Variants in MEG3 observed in about 807,000 individuals in gnomAD.
The protein encoded by MEG3 is Very putative protein from MEG3 locus.
chr14:100,828,569 A>C (rs1200961113), intron 1 of MEG3: 3 of 115,830 alleles, frequency 2.6e-5, no homozygotes, highest in Non-Finnish European at 3.5e-5. Context: ...GCCCCTCCCT[A>C]CTGCCTTCCT....
At chr14:100,828,080 C>A (rs2037294735) in intron 1 of MEG3, among the ~76,000 whole-genome samples, 1 of 151,936 alleles carries the variant, frequency 6.6e-6, no homozygotes, top group South Asian at 2.1e-4. Context: ...GTCCAGGGGG[C>A]GTAGCGACCT....
intron 3 of MEG3, chr14:100,846,892 G>A (rs1048369118): frequency 1.1e-4 from 17 of 152,004 alleles, no homozygotes; most frequent in African/African-American, 4.1e-4. Context: ...AAGAATGGAT[G>A]TATGAGTAGT....
Position 100,837,428 on chromosome 14 carries a change from C to T in MEG3, n.3045+1128C>T, listed in dbSNP as rs149705339. ...AGACTTCCCAGAGAAGCTGGGTGGG[C>T]GCTGAGAAAGGTCTGAACCGTGGGG... On this transcript the variant is annotated intron_variant and non_coding_transcript_variant, in intron 2 of 3. Coordinates refer to the MEG3 transcript ENST00000398461. This position sits in a 1 kb window ranked among gnomAD's most constrained non-coding sequence, Gnocchi z 5.8. Among the ~76,000 whole-genome samples, 96 of 152,164 alleles carry T rather than the reference C, an allele frequency of 6.3e-4. 3 individuals are homozygous for T. In the East Asian group the frequency reaches 0.016, roughly 26 times the overall value.
intron 3 of MEG3, chr14:100,846,869 C>T (rs551258730): frequency 2.0e-5 from 3 of 151,862 alleles, no homozygotes; most frequent in Non-Finnish European, 4.4e-5. Flanking sequence ...TGAAAAAGAA[C>T]CTAAATGAAA....
chr14:100,826,656 C>T (rs1364673388), intron 1 of MEG3, among the ~76,000 whole-genome samples: 1 of 152,192 alleles, frequency 6.6e-6, no homozygotes, highest in Non-Finnish European at 1.5e-5. Context: ...GGGGGGGAAG[C>T]ACCCGAATAG....
intron 1 of MEG3, among the ~76,000 whole-genome samples, chr14:100,828,075 G>T (rs2037294084): frequency 6.6e-6 from 1 of 152,136 alleles, no homozygotes; most frequent in East Asian, 1.9e-4. Context: ...GAGGCGTCCA[G>T]GGGGCGTAGC....
chr14:100,844,372 T>G (rs1449934545), intron 2 of MEG3, among the ~76,000 whole-genome samples: 1 of 152,192 alleles, frequency 6.6e-6, no homozygotes, highest in East Asian at 1.9e-4. Flanking sequence ...TGGTGGGACC[T>G]CAGCTGTCAC....
intron 3 of MEG3, chr14:100,848,608 A>AG (rs11439366): frequency 0.52 from 78,238 of 151,904 alleles, 21,344 homozygotes; most frequent in Admixed American, 0.65. Context: ...AAATGAAAAT[A>AG]GAAAAAAGGA....
chr14:100,836,197 TGAA>T (rs760777997), exon 2 of MEG3: 4 of 456,102 alleles, frequency 8.8e-6, no homozygotes, highest in African/African-American at 6.0e-5. Context: ...CTGGGTCGGC[TGAA>T]GAACTGCGGA....
At chr14:100,835,105 G>T (rs958008953) in exon 1 of MEG3, 1 of 331,786 alleles carries the variant, frequency 3.0e-6, no homozygotes, top group South Asian at 2.4e-5. Context: ...GTAGGCCGGA[G>T]GGTGTGAGGG....
intron 1 of MEG3, among the ~76,000 whole-genome samples, chr14:100,826,530 G>A (rs2037236281): frequency 6.6e-6 from 1 of 152,186 alleles, no homozygotes; most frequent in South Asian, 2.1e-4. Flanking sequence ...TTGGATTCGG[G>A]TATACGGCAG....
chr14:100,858,402 C>A (rs563717972), exon 1 of MEG3: 1 of 152,822 alleles, frequency 6.5e-6, no homozygotes, highest in African/African-American at 2.4e-5. Flanking sequence ...TTTCAGCCCT[C>A]GTCTCTTGCA....
At chr14:100,838,802 G>A (rs1240323855) in intron 2 of MEG3, among the ~76,000 whole-genome samples, 2 of 152,026 alleles carry the variant, frequency 1.3e-5, no homozygotes, top group African/African-American at 2.4e-5. Flanking sequence ...GAAACCAAGA[G>A]GGTAGCTCAG....
intron 2 of MEG3, among the ~76,000 whole-genome samples, chr14:100,843,833 G>GTTTTTTTTTT (rs11307044): frequency 2.8e-5 from 2 of 70,732 alleles, no homozygotes; most frequent in Non-Finnish European, 5.1e-5. Context: ...CCCGGGACCT[G>GTTTTTTTTTT]TTTTTTTTTT....
chr14:100,847,035 A>G (rs1471504333), intron 3 of MEG3: 1 of 152,188 alleles, frequency 6.6e-6, no homozygotes, highest in East Asian at 1.9e-4. Context: ...GTTAAAAAAA[A>G]AAACAGACTA....
intron 2 of MEG3, among the ~76,000 whole-genome samples, chr14:100,842,108 C>T (rs1286379367): frequency 1.3e-5 from 2 of 152,210 alleles, no homozygotes; most frequent in African/African-American, 4.8e-5. Context: ...TCCGGCTGGG[C>T]CTGCACCTGG....
chr14:100,837,800 T>C lies in MEG3; in HGVS notation n.3045+1500T>C, dbSNP rs1216439765. ...AAATTGAAATGGGATGGGGATATTATTTTTAAACAAAATCTGGCAGCGTAG... is the reference window on the plus strand; with the variant it reads ...AAATTGAAATGGGATGGGGATATTACTTTTAAACAAAATCTGGCAGCGTAG... On this transcript the variant is annotated intron_variant and non_coding_transcript_variant, in intron 2 of 3. Coordinates refer to the MEG3 transcript ENST00000398461. The surrounding 1 kb of genome is among the most constrained non-coding windows in gnomAD (Gnocchi z 5.8). Among the ~76,000 whole-genome samples the C allele has an allele frequency of 5.9e-5, 9 of 152,300 alleles. No homozygotes were observed. The East Asian group carries it at 1.2e-3, about 20-fold the overall frequency.
At chr14:100,836,049 C>T in intron 1 of MEG3, 1 of 366,824 alleles carries the variant, frequency 2.7e-6, no homozygotes, top group Non-Finnish European at 5.3e-6. Flanking sequence ...CAGTAGTCAC[C>T]CCACTCCACC....
chr14:100,835,265 T>C (rs2037533139), exon 1 of MEG3: 1 of 164,640 alleles, frequency 6.1e-6, no homozygotes, highest in South Asian at 1.6e-4. Flanking sequence ...ACAGCTGTAG[T>C]GTGTGCCCCC....
Sources: gnomAD v4.1 joint callset for allele counts (sites outside exome capture counted in the v4.1 genomes callset) on GRCh38, gnomAD v4.1.1 for gene constraint, Gnocchi (gnomAD v3.1) non-coding constraint, MANE v1.5 for transcripts, NCBI Gene and HGNC (gene_info 2026-07-23, HGNC 2026-07-21) for gene names.